Variants in RBFOX1 observed in about 807,000 individuals in gnomAD.
The protein encoded by RBFOX1 is RNA binding protein fox-1 homolog 1.
Under a neutral mutation model 57.7 loss-of-function variants are expected in RBFOX1, and 8 were observed. That is an observed-to-expected ratio of 0.14 (90% CI 0.08 to 0.25). RBFOX1 has a LOEUF of 0.25. Ranked by LOEUF, RBFOX1 falls within the 10% of genes least tolerant of loss-of-function variation. The pLI, the probability that RBFOX1 is intolerant of heterozygous loss-of-function variation, is 1.00. For missense variants in RBFOX1, 611 were observed against 548.5 expected (o/e 1.11, Z -1.14); for synonymous variants, 326 against 222.4 (o/e 1.47, Z -4.15).
chr16:6,990,896 T>G (rs527589426), intron 3 of RBFOX1, among the ~76,000 whole-genome samples: 1 of 152,144 alleles, frequency 6.6e-6, no homozygotes, highest in Non-Finnish European at 1.5e-5. Flanking sequence ...TGTCATTTTT[T>G]ATGATAGAAA....
intron 1 of RBFOX1, among the ~76,000 whole-genome samples, chr16:6,061,362 A>G (rs779350397): frequency 2.6e-5 from 4 of 152,202 alleles, no homozygotes; most frequent in Non-Finnish European, 4.4e-5. Flanking sequence ...GTCAGATTTC[A>G]AGTCTCAAAG....
chr16:6,349,185 T>C (rs1358246380), intron 2 of RBFOX1, among the ~76,000 whole-genome samples: 3 of 152,090 alleles, frequency 2.0e-5, no homozygotes, highest in African/African-American at 4.8e-5. Context: ...TTTAGACAGG[T>C]TTAGAGCAGC....
intron 4 of RBFOX1, among the ~76,000 whole-genome samples, chr16:7,161,587 G>A (rs563402746): frequency 6.6e-6 from 1 of 152,280 alleles, no homozygotes; most frequent in Non-Finnish European, 1.5e-5. Context: ...TACCTACTAA[G>A]AATCAGATTT....
chr16:5,811,187 G>T (rs1465146402), intron 3 of RBFOX1, among the ~76,000 whole-genome samples: 2 of 119,976 alleles, frequency 1.7e-5, no homozygotes, highest in Non-Finnish European at 3.2e-5. Flanking sequence ...CTGTCACCCA[G>T]GCTGCAGTGC....
intron 1 of RBFOX1, among the ~76,000 whole-genome samples, chr16:6,077,253 A>G (rs1230949916): frequency 1.3e-5 from 2 of 152,194 alleles, no homozygotes; most frequent in African/African-American, 2.4e-5. Flanking sequence ...ACACCATGGC[A>G]TTGCAGTTGA....
chr16:6,018,951 A>G (rs927693121), upstream of RBFOX1: 2 of 350,932 alleles, frequency 5.7e-6, no homozygotes, highest in Non-Finnish European at 4.0e-6. Context: ...GCTGGAATCC[A>G]GGGCTGCACG....
At chr16:5,621,136 C>T (rs186330331) in intron 3 of RBFOX1, among the ~76,000 whole-genome samples, 2 of 152,270 alleles carry the variant, frequency 1.3e-5, no homozygotes, top group Non-Finnish European at 2.9e-5. Flanking sequence ...CCAATGCGCC[C>T]AGCCTGCTAA....
chr16:6,918,154 A>G (rs944052750), intron 3 of RBFOX1, among the ~76,000 whole-genome samples: 2 of 151,784 alleles, frequency 1.3e-5, no homozygotes, highest in African/African-American at 4.8e-5. Flanking sequence ...TGGGTATGCT[A>G]GCCTGTAGTC....
chr16:6,406,230 T>C (rs1254758464), intron 2 of RBFOX1, among the ~76,000 whole-genome samples: 1 of 152,224 alleles, frequency 6.6e-6, no homozygotes, highest in African/African-American at 2.4e-5. Flanking sequence ...TCAGATTCTC[T>C]TTACAGAGGC....
chr16:6,813,237 C>G (rs889645012), intron 3 of RBFOX1, among the ~76,000 whole-genome samples: 6 of 152,164 alleles, frequency 3.9e-5, no homozygotes, highest in Non-Finnish European at 7.3e-5. Context: ...TTACACTTCT[C>G]CGGTTCCCCA....
chr16:7,117,980 G>A (rs1343726065), intron 4 of RBFOX1, among the ~76,000 whole-genome samples: 3 of 152,182 alleles, frequency 2.0e-5, no homozygotes, highest in Non-Finnish European at 4.4e-5. Flanking sequence ...ATAATCTTAT[G>A]CAATCACTTA....
intron 1 of RBFOX1, among the ~76,000 whole-genome samples, chr16:6,279,447 C>T (rs1354208920): frequency 6.6e-6 from 1 of 152,164 alleles, no homozygotes; most frequent in East Asian, 1.9e-4. Flanking sequence ...GCTTCCTCTG[C>T]AGAAGAGTGC....
At chr16:6,805,430 A>G (rs1603627048) in intron 3 of RBFOX1, among the ~76,000 whole-genome samples, 1 of 152,246 alleles carries the variant, frequency 6.6e-6, no homozygotes. Flanking sequence ...GAAAAAAATA[A>G]CTTGGGTACT....
At chr16:6,701,282 A>C (rs1335673133) in intron 3 of RBFOX1, among the ~76,000 whole-genome samples, 3 of 152,176 alleles carry the variant, frequency 2.0e-5, no homozygotes, top group Non-Finnish European at 4.4e-5. Context: ...CAGGCCCTGA[A>C]GGGGCTGACA....
intron 3 of RBFOX1, among the ~76,000 whole-genome samples, chr16:6,993,996 A>G (rs2091904751): frequency 6.6e-6 from 1 of 152,136 alleles, no homozygotes; most frequent in African/African-American, 2.4e-5. Flanking sequence ...GCTTTAGAAG[A>G]AGTATGTGGT....
At chr16:6,794,084 G>C (rs1209944580) in intron 3 of RBFOX1, among the ~76,000 whole-genome samples, 2 of 152,194 alleles carry the variant, frequency 1.3e-5, no homozygotes, top group East Asian at 3.9e-4. Context: ...CATCTGAAAT[G>C]ACTGAACTAT....
At chr16:6,489,812 T>A (rs1393033520) in intron 2 of RBFOX1, among the ~76,000 whole-genome samples, 2 of 152,040 alleles carry the variant, frequency 1.3e-5, no homozygotes, top group Admixed American at 6.6e-5. Flanking sequence ...CATGACCACC[T>A]CCAACAACAG....
intron 9 of RBFOX1, among the ~76,000 whole-genome samples, chr16:7,601,095 C>G (rs963547733): frequency 6.6e-6 from 1 of 152,132 alleles, no homozygotes; most frequent in African/African-American, 2.4e-5. Flanking sequence ...AGCATGGGTG[C>G]TAGACATGGC....
At chr16:7,005,969 G>C (rs964222969) in intron 3 of RBFOX1, among the ~76,000 whole-genome samples, 1 of 152,190 alleles carries the variant, frequency 6.6e-6, no homozygotes, top group Admixed American at 6.5e-5. Context: ...CCCCTACTCA[G>C]GATCACGTAA....
Sources: gnomAD v4.1 joint callset for allele counts (sites outside exome capture counted in the v4.1 genomes callset) on GRCh38, gnomAD v4.1.1 for gene constraint, MANE v1.5 for transcripts, NCBI Gene and HGNC (gene_info 2026-07-23, HGNC 2026-07-21) for gene names.